Variants in DNER observed in about 807,000 individuals in gnomAD.
DNER encodes the protein delta and Notch-like epidermal growth factor-related receptor.
In DNER, 33 loss-of-function variants were observed where a neutral mutation model predicts 78.2. That is an observed-to-expected ratio of 0.42 (90% CI 0.32 to 0.56). DNER has a LOEUF of 0.56. Ranked by LOEUF, DNER falls within the 20% of genes least tolerant of loss-of-function variation. The pLI, the probability that DNER is intolerant of heterozygous loss-of-function variation, is 0.11. For missense variants in DNER, 918 were observed against 975.3 expected (o/e 0.94, Z 0.78); for synonymous variants, 417 against 384.8 (o/e 1.08, Z -0.98).
chr2:229,562,474 G>T (rs1013654351), intron 4 of DNER, among the ~76,000 whole-genome samples: 1 of 152,108 alleles, frequency 6.6e-6, no homozygotes, highest in African/African-American at 2.4e-5. Context: ...TCTATAATTC[G>T]ATTTTTAACA....
chr2:229,413,817 A>G (rs1693583842), intron 9 of DNER, among the ~76,000 whole-genome samples: 1 of 151,432 alleles, frequency 6.6e-6, no homozygotes, highest in Non-Finnish European at 1.5e-5. Context: ...TTAAGCAGTA[A>G]AAATTACCAC....
intron 1 of DNER, among the ~76,000 whole-genome samples, chr2:229,605,252 T>A (rs2154214999): frequency 6.6e-6 from 1 of 152,236 alleles, no homozygotes; most frequent in East Asian, 1.9e-4. Flanking sequence ...GACGGGAGTT[T>A]CTGCAGCCTA....
chr2:229,698,609 G>A (rs208787), intron 1 of DNER, among the ~76,000 whole-genome samples: 127,395 of 152,142 alleles, frequency 0.84, 53,610 homozygotes, highest in East Asian at 0.94. Context: ...AAGTTTGAAC[G>A]TAATGATAAC....
intron 1 of DNER, among the ~76,000 whole-genome samples, chr2:229,677,856 G>C (rs911008629): frequency 3.9e-5 from 6 of 152,190 alleles, no homozygotes. Flanking sequence ...TTCTCTTACA[G>C]ATGGAAGATA....
At position 229,415,545 on chromosome 2, in the gene DNER, T is replaced by G. The variant is rs370744253; in HGVS notation, c.1609+2563A>C. On this transcript the variant is annotated intron_variant, in intron 9 of 12. Coordinates refer to ENST00000341772, the MANE Select transcript of DNER (RefSeq NM_139072.4). ...TTCAAGAGACTTTCCTTCACCATTA[T>G]ATTACCATTCACAATCACATAAATA... Among the ~76,000 whole-genome samples, 5 of 152,352 alleles carry G rather than the reference T, an allele frequency of 3.3e-5. No individual in the cohort carries two copies. In the East Asian group the frequency reaches 7.7e-4, roughly 23 times the overall value.
At chr2:229,494,422 A>T (rs1393858142) in intron 6 of DNER, among the ~76,000 whole-genome samples, 1 of 152,224 alleles carries the variant, frequency 6.6e-6, no homozygotes, top group Non-Finnish European at 1.5e-5. Context: ...CAAAAGGAAG[A>T]ACTAGGAAGG....
At chr2:229,408,115 T>C in intron 9 of DNER, among the ~76,000 whole-genome samples, 1 of 151,950 alleles carries the variant, frequency 6.6e-6, no homozygotes, top group Non-Finnish European at 1.5e-5. Flanking sequence ...TTTTAAAAAA[T>C]CTGTAAAGTA....
chr2:229,535,077 C>T (rs1016598192), intron 5 of DNER, among the ~76,000 whole-genome samples: 42 of 152,280 alleles, frequency 2.8e-4, no homozygotes, highest in African/African-American at 8.9e-4. Flanking sequence ...CTCAGGTGAT[C>T]GGCCTGCGTC....
At chr2:229,397,513 G>A (rs187333169) in intron 10 of DNER, among the ~76,000 whole-genome samples, 102 of 142,398 alleles carry the variant, frequency 7.2e-4, no homozygotes, top group African/African-American at 2.4e-3. Flanking sequence ...ACCAAAGGCC[G>A]AGTGGAGAGC....
intron 5 of DNER, among the ~76,000 whole-genome samples, chr2:229,529,914 C>T (rs916125700): frequency 1.3e-4 from 20 of 151,772 alleles, no homozygotes; most frequent in African/African-American, 4.4e-4. Context: ...GAGACTGAGG[C>T]GGGAGGATTG....
At chr2:229,520,733 T>C (rs1399202134) in intron 5 of DNER, among the ~76,000 whole-genome samples, 1 of 152,158 alleles carries the variant, frequency 6.6e-6, no homozygotes, top group Non-Finnish European at 1.5e-5. Context: ...GAATCTGCCA[T>C]TGCATCTGCT....
intron 1 of DNER, among the ~76,000 whole-genome samples, chr2:229,599,456 G>T (rs1410997589): frequency 6.6e-6 from 1 of 152,096 alleles, no homozygotes; most frequent in Admixed American, 6.5e-5. Flanking sequence ...ATCACTGGGG[G>T]CTCCCCTGTA....
intron 11 of DNER, among the ~76,000 whole-genome samples, chr2:229,379,711 GA>G (rs1692692686): frequency 1.3e-5 from 2 of 152,150 alleles, no homozygotes; most frequent in African/African-American, 4.8e-5. Context: ...CCATTTTCTG[GA>G]AAAGTAAACT....
In DNER at chr2:229,585,839, G is replaced by A. The variant is rs753439811; in HGVS notation, c.847+19C>T. On this transcript the variant is annotated intron_variant, in intron 4 of 12. Coordinates refer to ENST00000341772, the MANE Select transcript of DNER (RefSeq NM_139072.4). ...GTTGAATCAGATGCAGTGTTGAGTA[G>A]AAGATTTTGGTAACTCACCAATAAA... The A allele has an allele frequency of 1.9e-6, 3 of 1,613,636 alleles. No individual in the cohort carries two copies. The highest frequency in any genetic ancestry group is 1.1e-5 in the South Asian group (1 of 91,014).
At chr2:229,478,136 GGTTAT>G (rs1695075988) in intron 6 of DNER, among the ~76,000 whole-genome samples, 1 of 152,140 alleles carries the variant, frequency 6.6e-6, no homozygotes, top group African/African-American at 2.4e-5. Context: ...ATGTGCCCTT[GGTTAT>G]GTTATTTGAG....
chr2:229,515,236 G>A (rs1209474976), intron 5 of DNER, among the ~76,000 whole-genome samples: 1 of 152,138 alleles, frequency 6.6e-6, no homozygotes, highest in Non-Finnish European at 1.5e-5. Flanking sequence ...TTTTAAAACA[G>A]GAAACTCCTT....
rs140245612 is a variant in DNER, at chr2:229,683,152, G to A, written c.276+30996C>T. ...CAACTGAATACCTTCTATGCAGTAG[G>A]CAGTCCAGTTGGTGGTTTTTACACA... On this transcript the variant is annotated intron_variant, in intron 1 of 12. Transcript: ENST00000341772. Among the ~76,000 whole-genome samples, 14 of 152,268 alleles carry A rather than the reference G, an allele frequency of 9.2e-5. No individual in the cohort carries two copies. In the East Asian group the frequency reaches 2.7e-3, roughly 29 times the overall value.
intron 7 of DNER, among the ~76,000 whole-genome samples, chr2:229,463,052 A>G (rs1033850433): frequency 3.3e-5 from 5 of 151,824 alleles, no homozygotes; most frequent in Non-Finnish European, 7.4e-5. Context: ...CACCCCTTTC[A>G]TAGCACTTTT....
intron 7 of DNER, among the ~76,000 whole-genome samples, chr2:229,457,627 G>A (rs753893011): frequency 6.6e-6 from 1 of 150,764 alleles, no homozygotes; most frequent in Non-Finnish European, 1.5e-5. Context: ...CACCAAAGAG[G>A]GCAGGAATAG....
Sources: gnomAD v4.1 joint callset for allele counts (sites outside exome capture counted in the v4.1 genomes callset) on GRCh38, gnomAD v4.1.1 for gene constraint, MANE v1.5 for transcripts, NCBI Gene and HGNC (gene_info 2026-07-23, HGNC 2026-07-21) for gene names.